CMTM8: variants seen among roughly 807,000 people sequenced by gnomAD.
CMTM8 encodes the protein CKLF like MARVEL transmembrane domain containing 8.
In CMTM8, 12 loss-of-function variants were observed where a neutral mutation model predicts 18.6. The ratio of observed to expected loss-of-function variants is 0.65; its 90% CI spans 0.41 to 1.05. The LOEUF (loss-of-function observed/expected upper bound fraction) is 1.05. CMTM8 is among the 50% of genes least tolerant of loss of function. The pLI is 0.00. For missense variants in CMTM8, 217 were observed against 227.2 expected, an observed-to-expected ratio of 0.95 and a Z score of 0.29; for synonymous variants, 87 against 90.6, an observed-to-expected ratio of 0.96 and a Z score of 0.23.
At chr3:32,246,545 A>G (rs1462112193) in intron 1 of CMTM8, among the ~76,000 whole-genome samples, 4 of 152,090 alleles carry the variant, frequency 2.6e-5, no homozygotes, top group African/African-American at 9.7e-5. Context: ...AACCCTACTC[A>G]GATTACCCAA....
intron 1 of CMTM8, among the ~76,000 whole-genome samples, chr3:32,295,538 G>A (rs1458100143): frequency 6.7e-6 from 1 of 150,122 alleles, no homozygotes; most frequent in Non-Finnish European, 1.5e-5. Flanking sequence ...TTCAATTAGG[G>A]TGATAGACAC....
intron 1 of CMTM8, among the ~76,000 whole-genome samples, chr3:32,286,587 C>G (rs967109687): frequency 6.6e-6 from 1 of 152,176 alleles, no homozygotes; most frequent in African/African-American, 2.4e-5. Flanking sequence ...GCATGGGAGG[C>G]TTTGTAGGAT....
At chr3:32,325,764 G>T (rs772951294) in intron 1 of CMTM8, among the ~76,000 whole-genome samples, 7 of 152,050 alleles carry the variant, frequency 4.6e-5, no homozygotes, top group South Asian at 2.1e-4. Context: ...CCACATTTTT[G>T]AATAAAACTG....
At chr3:32,242,672 C>T (rs1207141748) in intron 1 of CMTM8, among the ~76,000 whole-genome samples, 1 of 152,140 alleles carries the variant, frequency 6.6e-6, no homozygotes, top group African/African-American at 2.4e-5. Context: ...TACCCCCTGA[C>T]TTCTGGAAAT....
In CMTM8 at chr3:32,358,801, T is replaced by C. The variant is rs1030303007; in HGVS notation, c.321+1255T>C. On this transcript the variant is annotated intron_variant, in intron 2 of 3. Transcript: ENST00000307526. The surrounding 1 kb of genome is among the most constrained non-coding windows in gnomAD (Gnocchi z 4.1). ...GGTGCTTAATCACTGTCTAGGGTGG[T>C]GGAAACAGCCTTGTTAGAATTGGTG... Among the ~76,000 whole-genome samples, 15 of 152,174 alleles carry C rather than the reference T, an allele frequency of 9.9e-5. No homozygotes were observed. Among genetic ancestry groups the C allele is most frequent in the Non-Finnish European group, 1.9e-4 (13 of 68,026 alleles).
chr3:32,316,522 G>T (rs535202642), intron 1 of CMTM8, among the ~76,000 whole-genome samples: 2 of 152,318 alleles, frequency 1.3e-5, no homozygotes, highest in Admixed American at 6.5e-5. Flanking sequence ...TTGACAGAAG[G>T]CATGACAAGA....
At chr3:32,340,911 G>A (rs1230902329) in intron 1 of CMTM8, among the ~76,000 whole-genome samples, 1 of 152,206 alleles carries the variant, frequency 6.6e-6, no homozygotes, top group Non-Finnish European at 1.5e-5. Flanking sequence ...CTACCATGTG[G>A]CAGGTGCCCA....
At chr3:32,369,773 C>A in intron 3 of CMTM8, 111 bp from the exon 4 acceptor site, 1 of 587,522 alleles carries the variant, frequency 1.7e-6, no homozygotes, top group South Asian at 2.7e-5. Flanking sequence ...ATGGCAAAGC[C>A]TGGTATCAAG....
intron 1 of CMTM8, among the ~76,000 whole-genome samples, chr3:32,334,663 A>T (rs1433384515): frequency 6.6e-6 from 1 of 152,000 alleles, no homozygotes; most frequent in Non-Finnish European, 1.5e-5. Flanking sequence ...CACAATTTGA[A>T]CTTTTTGAAG....
At chr3:32,270,400 A>G (rs905717300) in intron 1 of CMTM8, among the ~76,000 whole-genome samples, 2 of 152,206 alleles carry the variant, frequency 1.3e-5, no homozygotes, top group Non-Finnish European at 2.9e-5. Flanking sequence ...AAATCATGCT[A>G]CTATAAAGAC....
At chr3:32,321,482 C>A in intron 1 of CMTM8, among the ~76,000 whole-genome samples, 1 of 152,144 alleles carries the variant, frequency 6.6e-6, no homozygotes, top group East Asian at 1.9e-4. Flanking sequence ...TGGGAGCCCC[C>A]ACCCTAGGAC....
intron 1 of CMTM8, among the ~76,000 whole-genome samples, chr3:32,351,338 A>C (rs1388784742): frequency 2.0e-5 from 3 of 152,248 alleles, no homozygotes; most frequent in Non-Finnish European, 4.4e-5. Flanking sequence ...AACTACAAAA[A>C]TACAGGAGAA....
chr3:32,328,318 TGAGATCACA>T (rs1459354623), intron 1 of CMTM8, among the ~76,000 whole-genome samples: 21 of 136,728 alleles, frequency 1.5e-4, no homozygotes, highest in Admixed American at 4.9e-4. Flanking sequence ...TGGAGTGAGC[TGAGATCACA>T]CCACTGCACT....
chr3:32,246,158 C>G (rs1427754366), intron 1 of CMTM8, among the ~76,000 whole-genome samples: 3 of 152,104 alleles, frequency 2.0e-5, no homozygotes, highest in African/African-American at 7.2e-5. Context: ...CTTTTTGTTT[C>G]CTGCTGTGAC....
At chr3:32,268,425 C>A (rs559913148) in intron 1 of CMTM8, among the ~76,000 whole-genome samples, 1 of 152,210 alleles carries the variant, frequency 6.6e-6, no homozygotes, top group Admixed American at 6.5e-5. Flanking sequence ...GGGGGAACAT[C>A]ACACCCCGGG....
At chr3:32,253,463 GC>G (rs1423404948) in intron 1 of CMTM8, among the ~76,000 whole-genome samples, 2 of 150,824 alleles carry the variant, frequency 1.3e-5, no homozygotes, top group African/African-American at 4.9e-5. Flanking sequence ...TCCTGCCTCA[GC>G]CTCCCTAGTA....
chr3:32,288,626 G>A (rs999507985), intron 1 of CMTM8, among the ~76,000 whole-genome samples: 1 of 151,892 alleles, frequency 6.6e-6, no homozygotes, highest in Non-Finnish European at 1.5e-5. Flanking sequence ...TCAGCCTCCT[G>A]AGTAGCTAGG....
chr3:32,349,476 C>A (rs940848884), intron 1 of CMTM8, among the ~76,000 whole-genome samples: 3 of 152,172 alleles, frequency 2.0e-5, no homozygotes, highest in African/African-American at 7.2e-5. Flanking sequence ...AATGTTCAGA[C>A]CTTCAACTGT....
chr3:32,247,700 A>T (rs1201413276), intron 1 of CMTM8, among the ~76,000 whole-genome samples: 1 of 152,200 alleles, frequency 6.6e-6, no homozygotes, highest in African/African-American at 2.4e-5. Context: ...GCCTCAAGTG[A>T]TCCATCCATC....
Sources: gnomAD v4.1 joint callset for allele counts (sites outside exome capture counted in the v4.1 genomes callset) on GRCh38, gnomAD v4.1.1 for gene constraint, Gnocchi (gnomAD v3.1) non-coding constraint, MANE v1.5 for transcripts, NCBI Gene and HGNC (gene_info 2026-07-23, HGNC 2026-07-21) for gene names.